SRBD1: variants seen among roughly 807,000 people sequenced by gnomAD.
The protein encoded by SRBD1 is S1 RNA-binding domain-containing protein 1.
SRBD1 carries 88 observed loss-of-function variants against 115.3 expected under a neutral mutation model. The ratio of observed to expected loss-of-function variants is 0.76; its 90% confidence interval spans 0.64 to 0.91. SRBD1 has a LOEUF of 0.91. Ranked by LOEUF, SRBD1 falls within the 40% of genes least tolerant of loss-of-function variation. SRBD1 has a pLI of 0.00. For missense variants in SRBD1, 1,385 were observed against 1,177.4 expected (o/e 1.18, Z -2.58); for synonymous variants, 509 against 407.7 (o/e 1.25, Z -2.99).
intron 16 of SRBD1, among the ~76,000 whole-genome samples, chr2:45,422,625 T>G (rs1230322668): frequency 1.3e-5 from 2 of 152,206 alleles, no homozygotes; most frequent in African/African-American, 2.4e-5. Context: ...GAATAGGTAT[T>G]TGGTTCACTG....
intron 14 of SRBD1, among the ~76,000 whole-genome samples, chr2:45,531,632 A>T (rs1359858811): frequency 6.6e-6 from 1 of 151,776 alleles, no homozygotes; most frequent in Non-Finnish European, 1.5e-5. Context: ...AAGTTGGGAG[A>T]AACAGCCAAA....
intron 16 of SRBD1, among the ~76,000 whole-genome samples, chr2:45,460,327 C>A (rs888474872): frequency 6.6e-6 from 1 of 152,122 alleles, no homozygotes; most frequent in African/African-American, 2.4e-5. Flanking sequence ...GGTTTCAAAT[C>A]GTAAAAGAGG....
At chr2:45,557,509 G>C (rs1466128826) in intron 10 of SRBD1, among the ~76,000 whole-genome samples, 1 of 152,150 alleles carries the variant, frequency 6.6e-6, no homozygotes, top group Admixed American at 6.5e-5. Flanking sequence ...CTGGAACAGA[G>C]AGCTATGGGT....
intron 7 of SRBD1, among the ~76,000 whole-genome samples, chr2:45,576,988 A>T (rs1046253428): frequency 4.6e-5 from 7 of 152,096 alleles, no homozygotes; most frequent in African/African-American, 1.7e-4. Flanking sequence ...TAGTCCAAGG[A>T]CCCAAAAATA....
At chr2:45,481,231 T>C (rs2103832198) in intron 15 of SRBD1, among the ~76,000 whole-genome samples, 1 of 152,292 alleles carries the variant, frequency 6.6e-6, no homozygotes, top group South Asian at 2.1e-4. Flanking sequence ...TCATGCGACA[T>C]TTTTATAACT....
intron 18 of SRBD1, among the ~76,000 whole-genome samples, chr2:45,416,129 G>A (rs72616979): frequency 0.21 from 32,333 of 151,922 alleles, 5,397 homozygotes; most frequent in African/African-American, 0.46. Flanking sequence ...GGCAAAATAC[G>A]TAGGAAGAAT....
intron 19 of SRBD1, among the ~76,000 whole-genome samples, chr2:45,405,582 T>C (rs1667409091): frequency 6.6e-6 from 1 of 152,094 alleles, no homozygotes. Flanking sequence ...GTCATGTGTA[T>C]GGGTAGAATC....
At chr2:45,546,199 T>C in intron 14 of SRBD1, 6 of 985,442 alleles carry the variant, frequency 6.1e-6, no homozygotes, top group Non-Finnish European at 7.2e-6. Flanking sequence ...AGAAATTGGG[T>C]CTTTCTAATC....
chr2:45,455,167 T>C (rs1001604809), intron 16 of SRBD1, among the ~76,000 whole-genome samples: 3 of 151,920 alleles, frequency 2.0e-5, no homozygotes, highest in African/African-American at 7.2e-5. Context: ...TTAAATTTAA[T>C]TTTTAAGAGA....
rs1674007948 is a variant in SRBD1, at chr2:45,599,223, A to G, written c.648+226T>C. On this transcript the variant is annotated intron_variant, in intron 4 of 20. Transcript: ENST00000263736. ...TTTATGTTCACTAAAACACCATAGC[A>G]AAGGCCAAGAGAGGCCACACATCTT... 1.3e-5 allele frequency among the ~76,000 whole-genome samples: 2 copies of G among 152,216 alleles called. 1 individual carries two copies. The highest frequency in any genetic ancestry group is 3.8e-4 in the East Asian group (2 of 5,196).
intron 14 of SRBD1, among the ~76,000 whole-genome samples, chr2:45,511,685 T>C (rs899862849): frequency 6.6e-6 from 1 of 152,156 alleles, no homozygotes; most frequent in African/African-American, 2.4e-5. Context: ...TGGTATATAT[T>C]CCCATGCATA....
intron 16 of SRBD1, among the ~76,000 whole-genome samples, chr2:45,461,720 T>C (rs527879449): frequency 6.6e-6 from 1 of 152,312 alleles, no homozygotes; most frequent in East Asian, 1.9e-4. Flanking sequence ...TTTTCCACTA[T>C]GGATCTGCTT....
intron 16 of SRBD1, among the ~76,000 whole-genome samples, chr2:45,434,843 C>T (rs1422220434): frequency 4.6e-5 from 7 of 151,610 alleles, no homozygotes; most frequent in Admixed American, 2.6e-4. Flanking sequence ...CACATGTATA[C>T]ATGTGTCATG....
chr2:45,480,415 T>C (rs1042044205), intron 15 of SRBD1, among the ~76,000 whole-genome samples: 2 of 152,136 alleles, frequency 1.3e-5, no homozygotes, highest in African/African-American at 4.8e-5. Context: ...TAGCCAGAGT[T>C]TGGAGGACAG....
At chr2:45,424,844 G>C (rs192576997) in intron 16 of SRBD1, among the ~76,000 whole-genome samples, 1 of 152,098 alleles carries the variant, frequency 6.6e-6, no homozygotes, top group African/African-American at 2.4e-5. Context: ...AATCTGCTAG[G>C]TACTTCAGAA....
At chr2:45,399,718 C>G (rs569282320) in intron 19 of SRBD1, among the ~76,000 whole-genome samples, 9 of 152,028 alleles carry the variant, frequency 5.9e-5, no homozygotes, top group African/African-American at 1.9e-4. Context: ...TTTTTTAAAC[C>G]AAATTCAAAA....
chr2:45,582,558 G>C (rs913592651), intron 5 of SRBD1, among the ~76,000 whole-genome samples: 1 of 152,044 alleles, frequency 6.6e-6, no homozygotes. Context: ...TTTATTCACT[G>C]ATTTATTTAT....
intron 18 of SRBD1, among the ~76,000 whole-genome samples, chr2:45,417,948 C>T (rs894170313): frequency 6.6e-6 from 1 of 152,200 alleles, no homozygotes; most frequent in South Asian, 2.1e-4. Flanking sequence ...ACTTAGTGTT[C>T]ACTTTGCCTG....
intron 19 of SRBD1, among the ~76,000 whole-genome samples, chr2:45,395,722 G>A (rs1008115003): frequency 1.3e-5 from 2 of 152,080 alleles, no homozygotes; most frequent in African/African-American, 2.4e-5. Context: ...ACTGTAAAAC[G>A]AACTGGGAAT....
Sources: gnomAD v4.1 joint callset for allele counts (sites outside exome capture counted in the v4.1 genomes callset) on GRCh38, gnomAD v4.1.1 for gene constraint, MANE v1.5 for transcripts, NCBI Gene and HGNC (gene_info 2026-07-23, HGNC 2026-07-21) for gene names.